The following LRP2 variants were observed in gnomAD, a reference collection of about 807,000 sequenced individuals.
LRP2 encodes the protein low-density lipoprotein receptor-related protein 2.
Under a neutral mutation model 531.0 loss-of-function variants are expected in LRP2, and 172 were observed. The ratio of observed to expected loss-of-function variants is 0.32; its 90% CI spans 0.29 to 0.37. LRP2 has a LOEUF of 0.37. LRP2 is among the 10% of genes least tolerant of loss of function. The pLI is 1.00. For synonymous variants in LRP2, 1,992 were observed against 2,027.6 expected, an observed-to-expected ratio of 0.98 and a Z score of 0.47; for missense variants, 5,167 against 5,868.3, an observed-to-expected ratio of 0.88 and a Z score of 3.90.
chr2:169,143,873 C>T (rs1305670733), intron 70 of LRP2, among the ~76,000 whole-genome samples: 1 of 152,200 alleles, frequency 6.6e-6, no homozygotes, highest in Non-Finnish European at 1.5e-5. Context: ...TCCTGATTGT[C>T]TGTCATTCAA....
chr2:169,195,302 T>G (rs1420594299), intron 46 of LRP2, among the ~76,000 whole-genome samples: 1 of 152,202 alleles, frequency 6.6e-6, no homozygotes, highest in Non-Finnish European at 1.5e-5. Context: ...AAAATATGTA[T>G]AGTAAGACTC....
At chr2:169,229,252 C>T (rs1413637576) in intron 31 of LRP2, among the ~76,000 whole-genome samples, 4 of 152,138 alleles carry the variant, frequency 2.6e-5, no homozygotes, top group Non-Finnish European at 5.9e-5. Context: ...TAAAGATCAT[C>T]TCTTCATTTC....
At chr2:169,164,426 T>C (rs1044774730) in intron 62 of LRP2, among the ~76,000 whole-genome samples, 8 of 152,210 alleles carry the variant, frequency 5.3e-5, no homozygotes, top group African/African-American at 1.9e-4. Context: ...AAGGAGTATT[T>C]AGTGACACAA....
chr2:169,265,478 A>G (rs1372911556), intron 16 of LRP2, among the ~76,000 whole-genome samples: 1 of 152,120 alleles, frequency 6.6e-6, no homozygotes, highest in Admixed American at 6.6e-5. Flanking sequence ...CAAAAGGAAA[A>G]GGAATCCAGA....
intron 63 of LRP2, among the ~76,000 whole-genome samples, chr2:169,160,978 C>T (rs1423556497): frequency 6.6e-6 from 1 of 152,136 alleles, no homozygotes; most frequent in African/African-American, 2.4e-5. Flanking sequence ...CCTTTGGATG[C>T]CTCAGGAAAA....
rs185889000 is a variant in LRP2, at chr2:169,157,540, C to A, written c.11888-38G>T. 50 of 1,608,942 alleles carry A rather than the reference C, an allele frequency of 3.1e-5. No homozygotes were observed. In the Admixed American group the frequency reaches 6.7e-4, roughly 22 times the overall value. On this transcript the variant is annotated intron_variant, in intron 63 of 78. Transcript: ENST00000649046. Reference sequence around the variant, plus strand: ...ATCCCAGCATTACAAACCAGATCAGCCACAAATAACAGTCAAGTGGTGTAT... The same window carrying A: ...ATCCCAGCATTACAAACCAGATCAGACACAAATAACAGTCAAGTGGTGTAT...
At chr2:169,184,978 C>T (rs1030012234) in intron 50 of LRP2, among the ~76,000 whole-genome samples, 2 of 152,096 alleles carry the variant, frequency 1.3e-5, no homozygotes, top group Non-Finnish European at 2.9e-5. Context: ...CCAGGCTGGT[C>T]TTGAACTTCT....
chr2:169,328,049 C>G (rs1404757368), intron 1 of LRP2, among the ~76,000 whole-genome samples: 1 of 142,834 alleles, frequency 7.0e-6, no homozygotes, highest in African/African-American at 2.6e-5. Context: ...CCAGCCGCCC[C>G]GTCCGGGAGG....
At chr2:169,361,353 TCTCTCTCTCTCTCTCTCTCTCTCC>T (rs1217989743) in intron 1 of LRP2, among the ~76,000 whole-genome samples, 8 of 80,590 alleles carry the variant, frequency 9.9e-5, no homozygotes, top group African/African-American at 3.1e-4. Context: ...TCTCTCTGTC[TCTCTCTCTCTCTCTCTCTCTCTCC>T]CTCTCTCTCT....
At chr2:169,212,816 A>C (rs549509797) in intron 36 of LRP2, among the ~76,000 whole-genome samples, 1 of 152,216 alleles carries the variant, frequency 6.6e-6, no homozygotes, top group African/African-American at 2.4e-5. Context: ...AATAGGGTGC[A>C]GTGTATATTG....
chr2:169,309,924 G>A (rs1442935918), intron 3 of LRP2, among the ~76,000 whole-genome samples: 1 of 152,136 alleles, frequency 6.6e-6, no homozygotes, highest in African/African-American at 2.4e-5. Flanking sequence ...AGTTCTCCTT[G>A]AAGAGGTCCT....
At chr2:169,241,580 C>T (rs910324001) in intron 24 of LRP2, among the ~76,000 whole-genome samples, 3 of 152,132 alleles carry the variant, frequency 2.0e-5, no homozygotes, top group African/African-American at 4.8e-5. Context: ...TGACAACAAA[C>T]GAAGTACAGA....
chr2:169,206,603 C>A lies in LRP2; in HGVS notation c.7117G>T (p.Gly2373Trp). Residue 2373 changes from glycine (G) to tryptophan (W), a missense_variant, in exon 39 of 79, where the codon GGG becomes TGG. By Grantham distance (184) the Gly-to-Trp change is radical (BLOSUM62 -2). Coordinates refer to ENST00000649046, the MANE Select transcript of LRP2 (RefSeq NM_004525.3). ...LHTPKCDCAFGTLQSDGKNCA... is the reference protein window; with the variant it reads ...LHTPKCDCAFWTLQSDGKNCA... ...TTCTTGCCATCACTTTGCAGGGTCCCAAAGGCACAGTCACATTTTGGGGTG... is the reference window on the plus strand; with the variant it reads ...TTCTTGCCATCACTTTGCAGGGTCCAAAAGGCACAGTCACATTTTGGGGTG... 1 of 1,613,968 alleles carries A rather than the reference C, an allele frequency of 6.2e-7. No individual in the cohort carries two copies. The highest frequency in any genetic ancestry group is 2.2e-5 in the East Asian group (1 of 44,894).
At position 169,242,125 on chromosome 2, in the gene LRP2, C is replaced by A. The variant is rs3755164; in HGVS notation, c.3668-760G>T. 9.9e-3 allele frequency among the ~76,000 whole-genome samples: 1,505 copies of A among 152,268 alleles called. 137 individuals carry two copies. The East Asian group carries it at 0.25, about 25-fold the overall frequency. The stretch of plus-strand genomic sequence containing the variant: ...TATATAAGCATTTTATTTAACTTTT[C>A]TTTTTAATCCATGGCTTTACACACT... On this transcript the variant is annotated intron_variant, in intron 24 of 78. Transcript: ENST00000649046.
intron 1 of LRP2, among the ~76,000 whole-genome samples, chr2:169,350,746 A>AC (rs57701439): frequency 1.4e-5 from 2 of 143,634 alleles, no homozygotes; most frequent in Non-Finnish European, 3.1e-5. Context: ...AAAAAAAAAA[A>AC]GTGGGGACTC....
At chr2:169,290,593 G>A (rs538691971) in intron 8 of LRP2, among the ~76,000 whole-genome samples, 5 of 152,138 alleles carry the variant, frequency 3.3e-5, no homozygotes, top group African/African-American at 1.2e-4. Flanking sequence ...TCAGCCTCTG[G>A]GTCAACAAGG....
At chr2:169,180,866 CT>C (rs1227536973) in intron 52 of LRP2, among the ~76,000 whole-genome samples, 7 of 152,196 alleles carry the variant, frequency 4.6e-5, no homozygotes, top group African/African-American at 1.7e-4. Context: ...TGTGTATCAT[CT>C]TTTTACAATG....
At chr2:169,342,364 T>G (rs2105560675) in intron 1 of LRP2, among the ~76,000 whole-genome samples, 1 of 152,176 alleles carries the variant, frequency 6.6e-6, no homozygotes, top group East Asian at 1.9e-4. Flanking sequence ...CCATGGTGAC[T>G]CTCTCCTTTT....
rs1197059355 is a variant in LRP2 at position 169,201,629 on chromosome 2, G to A, written c.8451C>T (p.Cys2817=). The A allele has an allele frequency of 1.2e-6, 2 of 1,614,014 alleles. No individual in the cohort carries two copies. Among genetic ancestry groups the A allele is most frequent in the South Asian group, 1.1e-5 (1 of 91,060 alleles). ...HDNNTSDEKN[C]PDRTCQSGYT... ...AATAAGCACTTAAGATAAACTTACG[G>A]CAATTTTTCTCATCTGAAGTGTTAT... Residue 2817 remains cysteine (C), a splice_region_variant and synonymous_variant, in exon 44 of 79, where the codon TGC becomes TGT. Transcript: ENST00000649046.
Sources: allele counts gnomAD v4.1 joint callset (sites outside exome capture counted in the v4.1 genomes callset), GRCh38; gene constraint gnomAD v4.1.1; transcripts MANE v1.5; gene names NCBI Gene and HGNC (gene_info 2026-07-23, HGNC 2026-07-21).